TTC1: variants seen among roughly 807,000 people sequenced by gnomAD.
TTC1 encodes the protein tetratricopeptide repeat domain 1, also known as tetratricopeptide repeat protein 1.
A neutral mutation model predicts 37.6 loss-of-function variants in TTC1; 31 were observed. The ratio of observed to expected loss-of-function variants is 0.82; its 90% CI spans 0.62 to 1.11. The LOEUF (loss-of-function observed/expected upper bound fraction) is 1.11. Among genes scored for constraint, TTC1 ranks in the 50% most tolerant of loss-of-function variants. The pLI is 0.00. For missense variants in TTC1, 351 were observed against 339.0 expected (o/e 1.04, Z -0.28); for synonymous variants, 127 against 122.4 (o/e 1.04, Z -0.25).
intron 2 of TTC1, among the ~76,000 whole-genome samples, chr5:160,018,238 G>T (rs1328730395): frequency 2.6e-5 from 4 of 152,150 alleles, no homozygotes; most frequent in African/African-American, 9.7e-5. Flanking sequence ...ATCTGCTGGT[G>T]CCTTGATCTT....
At chr5:160,054,560 G>T (rs1277472889) in intron 7 of TTC1, among the ~76,000 whole-genome samples, 1 of 151,448 alleles carries the variant, frequency 6.6e-6, no homozygotes. Flanking sequence ...GCAGTGTTAC[G>T]ATGGTACCAG....
At chr5:160,045,514 A>ACTC (rs57730976) in intron 5 of TTC1, among the ~76,000 whole-genome samples, 24 of 29,710 alleles carry the variant, frequency 8.1e-4, no homozygotes, top group Non-Finnish European at 1.2e-3. Context: ...ACACACACAC[A>ACTC]TACACACTCT....
intron 2 of TTC1, among the ~76,000 whole-genome samples, chr5:160,023,123 G>A (rs1413820411): frequency 6.6e-6 from 1 of 152,084 alleles, no homozygotes; most frequent in Non-Finnish European, 1.5e-5. Flanking sequence ...GGGCCTGGTG[G>A]TGTGCGCCTA....
At chr5:160,017,527 A>G (rs1756628831) in intron 2 of TTC1, among the ~76,000 whole-genome samples, 2 of 152,344 alleles carry the variant, frequency 1.3e-5, no homozygotes, top group African/African-American at 4.8e-5. Flanking sequence ...GATTATTTCA[A>G]CATGAATTTT....
intron 7 of TTC1, among the ~76,000 whole-genome samples, chr5:160,056,798 T>C (rs1757558938): frequency 6.6e-6 from 1 of 152,160 alleles, no homozygotes; most frequent in African/African-American, 2.4e-5. Flanking sequence ...AGAATTAACA[T>C]GTCATTGCCA....
At chr5:160,047,704 C>G (rs1757288583) in intron 5 of TTC1, among the ~76,000 whole-genome samples, 1 of 152,110 alleles carries the variant, frequency 6.6e-6, no homozygotes, top group Non-Finnish European at 1.5e-5. Flanking sequence ...TACATTTCAG[C>G]CTCTGATCCC....
Position 160,038,697 on chromosome 5 carries a change from C to T in TTC1, c.504+1894C>T, listed in dbSNP as rs1233533878. 2.9e-5 allele frequency among the ~76,000 whole-genome samples: 4 copies of T among 137,532 alleles called. No homozygotes were observed. The East Asian group carries it at 9.0e-4, about 31-fold the overall frequency. The allele number at this position is 137,532 out of a possible 152,430, so 90.2% of individuals were successfully genotyped here. A position where few individuals can be genotyped will look rare whatever the true frequency, so the allele number is the denominator to read the frequency against. ...TTTTTTTTTGAGACGGAGTCTCACT[C>T]TGTCACCTAGGCTGGAGTGCAGTGG... On this transcript the variant is annotated intron_variant, in intron 4 of 7. Transcript: ENST00000231238.
chr5:160,036,342 T>C (rs1756998588), intron 3 of TTC1, among the ~76,000 whole-genome samples: 1 of 152,184 alleles, frequency 6.6e-6, no homozygotes, highest in Non-Finnish European at 1.5e-5. Context: ...CTCTGTCCAG[T>C]TCTGTAACCT....
chr5:160,064,360 C>T (rs779372648), intron 7 of TTC1, among the ~76,000 whole-genome samples: 1 of 152,176 alleles, frequency 6.6e-6, no homozygotes, highest in Non-Finnish European at 1.5e-5. Context: ...CTGTGCAAAT[C>T]AAGATGATCC....
chr5:160,053,962 G>A (rs530903207), intron 7 of TTC1, among the ~76,000 whole-genome samples: 1 of 152,232 alleles, frequency 6.6e-6, no homozygotes, highest in East Asian at 1.9e-4. Flanking sequence ...AGAGACCCAG[G>A]GTGGCCATTA....
intron 2 of TTC1, among the ~76,000 whole-genome samples, chr5:160,020,587 C>T (rs1756687950): frequency 6.6e-6 from 1 of 152,240 alleles, no homozygotes; most frequent in Admixed American, 6.5e-5. Flanking sequence ...AGCCACTTCC[C>T]ATCGCTTGCA....
chr5:160,018,400 C>G (rs978010484), intron 2 of TTC1, among the ~76,000 whole-genome samples: 5 of 152,194 alleles, frequency 3.3e-5, no homozygotes, highest in African/African-American at 1.2e-4. Flanking sequence ...GAGGTGGCCT[C>G]TCAACAGAGA....
intron 7 of TTC1, among the ~76,000 whole-genome samples, chr5:160,063,211 G>A (rs935115307): frequency 6.6e-6 from 1 of 152,286 alleles, no homozygotes; most frequent in South Asian, 2.1e-4. Flanking sequence ...AGTTATTAGG[G>A]AGGCCTGTAA....
chr5:160,062,441 C>G (rs574573735), intron 7 of TTC1, among the ~76,000 whole-genome samples: 1 of 152,332 alleles, frequency 6.6e-6, no homozygotes, highest in East Asian at 1.9e-4. Context: ...ACTGCAAGGT[C>G]AGAAAGCACC....
chr5:160,041,140 G>A (rs140061886), intron 4 of TTC1, among the ~76,000 whole-genome samples: 4 of 151,950 alleles, frequency 2.6e-5, no homozygotes, highest in Non-Finnish European at 5.9e-5. Flanking sequence ...AAAATGCCCT[G>A]TTCTGGAATA....
rs566658475 is a variant in TTC1 at position 160,023,668 on chromosome 5, A to T, written c.331-11472A>T. ...ACTAAGCTTCCAAATACAAGGCTCA[A>T]TGGGGACAAAGCCGTGTGCACAAGG... On this transcript the variant is annotated intron_variant, in intron 2 of 7. Transcript: ENST00000231238. 6.0e-6 allele frequency: 8 copies of T among 1,339,990 alleles called. No individual in the cohort carries two copies. In the African/African-American group the frequency reaches 7.3e-5, roughly 12 times the overall value. The allele number at this position is 1,339,990 out of a possible 1,614,324, so 83.0% of individuals were successfully genotyped here.
chr5:160,046,224 C>T (rs892576840), intron 5 of TTC1, among the ~76,000 whole-genome samples: 4 of 152,202 alleles, frequency 2.6e-5, no homozygotes, highest in African/African-American at 9.6e-5. Flanking sequence ...GCCATTGAAA[C>T]CCATCTTGTA....
intron 7 of TTC1, among the ~76,000 whole-genome samples, chr5:160,053,714 T>C (rs892465578): frequency 6.6e-6 from 1 of 152,234 alleles, no homozygotes; most frequent in African/African-American, 2.4e-5. Context: ...ATGTCATTGG[T>C]GTTTTGACAG....
chr5:160,020,812 TA>T (rs1470769138), intron 2 of TTC1, among the ~76,000 whole-genome samples: 4 of 152,192 alleles, frequency 2.6e-5, no homozygotes, highest in Admixed American at 2.6e-4. Context: ...GATTCTACAT[TA>T]TGGTGAATTG....
Sources: allele counts gnomAD v4.1 joint callset (sites outside exome capture counted in the v4.1 genomes callset), GRCh38; gene constraint gnomAD v4.1.1; transcripts MANE v1.5; gene names NCBI Gene and HGNC (gene_info 2026-07-23, HGNC 2026-07-21).